Variants in XXYLT1 observed in about 807,000 individuals in gnomAD.
XXYLT1 encodes xyloside xylosyltransferase 1, also known as UDP-xylose:alpha-xyloside alpha-1,3-xylosyltransferase.
In XXYLT1, 20 loss-of-function variants were observed where a neutral mutation model predicts 28.9. The ratio of observed to expected loss-of-function variants is 0.69; its 90% CI spans 0.49 to 1.00. The LOEUF is 1.00. XXYLT1 is among the 50% of genes least tolerant of loss of function. The pLI is 0.00. For synonymous variants in XXYLT1, 257 were observed against 253.8 expected (o/e 1.01, Z -0.12); for missense variants, 542 against 560.1 (o/e 0.97, Z 0.33).
intron 3 of XXYLT1, among the ~76,000 whole-genome samples, chr3:195,087,983 T>G (rs1194895632): frequency 6.6e-6 from 1 of 151,926 alleles, no homozygotes; most frequent in East Asian, 1.9e-4. Context: ...CCAACGGGCT[T>G]AAAAAACGGC....
Position 195,208,485 on chromosome 3 carries a change from C to A in XXYLT1, c.652+18224G>T, listed in dbSNP as rs182836263. 7.0e-3 allele frequency among the ~76,000 whole-genome samples: 1,068 copies of A among 151,792 alleles called. 10 individuals are homozygous for A. Among genetic ancestry groups the A allele is most frequent in the African/African-American group, 0.024 (1,002 of 41,364 alleles). On this transcript the variant is annotated intron_variant, in intron 2 of 3. Transcript: ENST00000310380. ...TCCTGGCTGACTGGACCAACCACAA[C>A]AAAAAAAATGAACAACGTATGACCT... is the stretch of plus-strand genomic sequence containing the variant.
intron 3 of XXYLT1, among the ~76,000 whole-genome samples, chr3:195,145,112 A>G (rs565623718): frequency 1.6e-4 from 25 of 152,352 alleles, no homozygotes; most frequent in Admixed American, 1.6e-3. Flanking sequence ...CTTTCTTTAG[A>G]GTTCCAAGTT....
intron 3 of XXYLT1, among the ~76,000 whole-genome samples, chr3:195,145,775 C>T (rs1719813545): frequency 6.6e-6 from 1 of 152,246 alleles, no homozygotes; most frequent in Non-Finnish European, 1.5e-5. Context: ...TCACGACATA[C>T]TACGCCAATT....
chr3:195,228,875 T>C (rs1481085434), intron 1 of XXYLT1, among the ~76,000 whole-genome samples: 2 of 151,570 alleles, frequency 1.3e-5, no homozygotes, highest in Non-Finnish European at 2.9e-5. Context: ...TGCAGTGGCG[T>C]GATCTCGGCT....
chr3:195,268,514 C>T (rs922637742), intron 1 of XXYLT1, among the ~76,000 whole-genome samples: 7 of 151,774 alleles, frequency 4.6e-5, no homozygotes, highest in African/African-American at 1.5e-4. Flanking sequence ...GGCAGAATCG[C>T]TCGAACCCAG....
chr3:195,103,123 C>G (rs1191122510), intron 3 of XXYLT1, among the ~76,000 whole-genome samples: 1 of 152,202 alleles, frequency 6.6e-6, no homozygotes, highest in Non-Finnish European at 1.5e-5. Context: ...TGGCGGCTCA[C>G]GCTAGTAACA....
At chr3:195,156,426 GC>G in intron 3 of XXYLT1, 22 bp downstream of exon 3, 2 of 1,609,352 alleles carry the variant, frequency 1.2e-6, no homozygotes, top group Admixed American at 1.7e-5. Context: ...CGTGGAGGCG[GC>G]CCCCCTGCAG....
chr3:195,100,862 T>G (rs558149032), intron 3 of XXYLT1, among the ~76,000 whole-genome samples: 1 of 152,392 alleles, frequency 6.6e-6, no homozygotes, highest in South Asian at 2.1e-4. Context: ...GACTGTGTCT[T>G]TTTATATCGG....
At chr3:195,075,050 G>A (rs776535123) in intron 3 of XXYLT1, among the ~76,000 whole-genome samples, 1 of 152,132 alleles carries the variant, frequency 6.6e-6, no homozygotes, top group Admixed American at 6.5e-5. Context: ...TCAGGAGTTC[G>A]AGACCAGCCT....
In XXYLT1 at chr3:195,150,284, G is replaced by A. The variant is rs559443615; in HGVS notation, c.785+6165C>T. Among the ~76,000 whole-genome samples, 3 of 152,314 alleles carry A rather than the reference G, an allele frequency of 2.0e-5. No individual in the cohort carries two copies. The highest frequency in any genetic ancestry group is 7.2e-5 in the African/African-American group (3 of 41,558). Reference sequence around the variant, plus strand: ...AGAGACTAAGGCTCAGAGACGTCAAGAGACTTGCCCAAGGTCACACAGCAA... The same window carrying A: ...AGAGACTAAGGCTCAGAGACGTCAAAAGACTTGCCCAAGGTCACACAGCAA... On this transcript the variant is annotated intron_variant, in intron 3 of 3. Coordinates refer to ENST00000310380, the MANE Select transcript of XXYLT1 (RefSeq NM_152531.5). The surrounding 1 kb of genome is among the most constrained non-coding windows in gnomAD (Gnocchi z 4.7).
chr3:195,070,099 C>T lies in XXYLT1; in HGVS notation c.798G>A (p.Trp266Ter), dbSNP rs1182239170. The change falls in exon 4 of 4, where the codon TGG becomes TGA. Residue 266 changes from tryptophan (W) to a stop codon, truncating the protein, a stop_gained. Transcript: ENST00000310380. LOFTEE classifies it high-confidence loss of function. ...TCTGGGGGTTCTCATGGCGGAACTG[C>T]CAGAATGTGTGCCTGTGGAGAGAGA... The part of the protein sequence containing the change: ...EMQPVYRHTF[W>*]QFRHENPQTR... 1 of 1,569,700 alleles carries T rather than the reference C, an allele frequency of 6.4e-7. No individual in the cohort carries two copies. Among genetic ancestry groups the T allele is most frequent in the Non-Finnish European group, 8.6e-7 (1 of 1,165,530 alleles).
At chr3:195,169,717 A>G (rs1025630327) in intron 2 of XXYLT1, among the ~76,000 whole-genome samples, 1 of 152,122 alleles carries the variant, frequency 6.6e-6, no homozygotes, top group Admixed American at 6.6e-5. Context: ...CTAGTTTTCT[A>G]CTATATACAA....
At chr3:195,244,732 A>T (rs1724930470) in intron 1 of XXYLT1, among the ~76,000 whole-genome samples, 1 of 139,632 alleles carries the variant, frequency 7.2e-6, no homozygotes, top group Non-Finnish European at 1.5e-5. Flanking sequence ...ACTGCACTCC[A>T]GCCTGGGCGA....
At chr3:195,088,328 C>CTGGAGATCTGAGAACGGG (rs1715901152) in intron 3 of XXYLT1, among the ~76,000 whole-genome samples, 1 of 149,116 alleles carries the variant, frequency 6.7e-6, no homozygotes, top group African/African-American at 2.4e-5. Flanking sequence ...CAGCACGCAG[C>CTGGAGATCTGAGAACGGG]TGGAGATCTG....
chr3:195,103,997 C>G (rs1716949918), intron 3 of XXYLT1, among the ~76,000 whole-genome samples: 1 of 152,200 alleles, frequency 6.6e-6, no homozygotes, highest in Non-Finnish European at 1.5e-5. Context: ...GTTTGGAATT[C>G]TGAATACATT....
intron 2 of XXYLT1, among the ~76,000 whole-genome samples, chr3:195,191,069 G>A (rs1472395277): frequency 1.3e-5 from 2 of 152,120 alleles, no homozygotes; most frequent in Non-Finnish European, 2.9e-5. Context: ...AAATATGAAT[G>A]ATCTCAACAC....
intron 3 of XXYLT1, among the ~76,000 whole-genome samples, chr3:195,080,190 C>T (rs1450905205): frequency 6.6e-6 from 1 of 152,164 alleles, no homozygotes; most frequent in Admixed American, 6.5e-5. Context: ...TCCCCAAGCC[C>T]AGGAATCCAC....
chr3:195,126,564 A>T (rs2108622534), intron 3 of XXYLT1, among the ~76,000 whole-genome samples: 1 of 152,360 alleles, frequency 6.6e-6, no homozygotes, highest in Non-Finnish European at 1.5e-5. Context: ...ATTCTGCGAC[A>T]GTCTCGGCAA....
intron 3 of XXYLT1, among the ~76,000 whole-genome samples, chr3:195,114,736 C>T (rs1471239709): frequency 6.6e-6 from 1 of 152,226 alleles, no homozygotes; most frequent in Non-Finnish European, 1.5e-5. Context: ...GAACCTCTGT[C>T]AAGCTTGTGA....
Sources: gnomAD v4.1 joint callset for allele counts (sites outside exome capture counted in the v4.1 genomes callset) on GRCh38, gnomAD v4.1.1 for gene constraint, Gnocchi (gnomAD v3.1) non-coding constraint, MANE v1.5 for transcripts, NCBI Gene and HGNC (gene_info 2026-07-23, HGNC 2026-07-21) for gene names.